Variants in SYNE2 observed in about 807,000 individuals in gnomAD.
The protein encoded by SYNE2 is spectrin repeat containing nuclear envelope protein 2.
SYNE2 carries 431 observed loss-of-function variants against 856.3 expected under a neutral mutation model. The observed-to-expected ratio is 0.50, with a 90% CI of 0.47 to 0.55. The LOEUF (loss-of-function observed/expected upper bound fraction) is 0.55. SYNE2 is among the 20% of genes least tolerant of loss of function. The pLI is 0.00. For synonymous variants in SYNE2, 2,923 were observed against 2,872.3 expected, an observed-to-expected ratio of 1.02 and a Z score of -0.56; for missense variants, 8,129 against 8,023.2, an observed-to-expected ratio of 1.01 and a Z score of -0.50.
intron 52 of SYNE2, among the ~76,000 whole-genome samples, chr14:64,072,417 C>T (rs904743511): frequency 1.3e-5 from 2 of 152,202 alleles, no homozygotes; most frequent in African/African-American, 4.8e-5. Flanking sequence ...CATCAGATCA[C>T]ACAGGCTGGG....
chr14:63,814,709 TCCATATATATC>T (rs1888795130), intron 1 of SYNE2, among the ~76,000 whole-genome samples: 1 of 128,836 alleles, frequency 7.8e-6, no homozygotes, highest in Non-Finnish European at 1.6e-5. Context: ...TCCATATATA[TCCATATATATC>T]CATATATATA....
At chr14:64,023,834 C>T (rs2096956609) in intron 38 of SYNE2, 2 of 229,844 alleles carry the variant, frequency 8.7e-6, no homozygotes. Flanking sequence ...AATTTGAAGT[C>T]TCATCTTTTT....
upstream of SYNE2, among the ~76,000 whole-genome samples, chr14:63,851,695 G>A (rs948270587): frequency 2.0e-5 from 3 of 152,018 alleles, no homozygotes; most frequent in Admixed American, 6.5e-5. Flanking sequence ...ATTATCAAAC[G>A]TCTAATCTCT....
In SYNE2 at chr14:64,026,546, A is replaced by G. The variant is rs748337852; in HGVS notation, c.6253-33A>G. On this transcript the variant is annotated intron_variant, in intron 41 of 115. Coordinates refer to ENST00000555002, the MANE Select transcript of SYNE2 (RefSeq NM_182914.3). ...CATGTAGTATCTCTAAGTAATGCAA[A>G]TGACATTATAAAATCTCTTTTATTT... 2.0e-4 allele frequency: 317 copies of G among 1,572,650 alleles called. 1 individual carries two copies. In the East Asian group the frequency reaches 7.1e-3, roughly 35 times the overall value.
At chr14:64,087,094 A>T (rs1338465767) in intron 57 of SYNE2, among the ~76,000 whole-genome samples, 3 of 2,314 alleles carry the variant, frequency 1.3e-3, no homozygotes, top group East Asian at 0.012. Flanking sequence ...GATAATTGGT[A>T]AAAAAAAAAA....
At chr14:63,812,817 G>T (rs917317580) in intron 1 of SYNE2, among the ~76,000 whole-genome samples, 1 of 152,090 alleles carries the variant, frequency 6.6e-6, no homozygotes, top group Non-Finnish European at 1.5e-5. Flanking sequence ...GCTTCTAGGT[G>T]CAGCAAACCA....
chr14:64,065,340 ATAAT>A (rs1351498959), intron 50 of SYNE2, 88 bp from the exon 51 acceptor site: 9 of 1,120,716 alleles, frequency 8.0e-6, no homozygotes, highest in South Asian at 2.7e-5. Flanking sequence ...GAAGATTGAA[ATAAT>A]TAATTGTTCA....
Position 64,188,625 on chromosome 14 carries a change from T to C in SYNE2, c.17788T>C (p.Cys5930Arg). 3.7e-6 allele frequency: 6 copies of C among 1,614,220 alleles called. 1 individual carries two copies. The Middle Eastern group carries it at 6.6e-4, about 178-fold the overall frequency. The change falls in exon 98 of 116, where the codon TGT becomes CGT. Residue 5930 changes from cysteine (C) to arginine (R), a missense_variant. Coordinates refer to ENST00000555002, the MANE Select transcript of SYNE2 (RefSeq NM_182914.3). The part of the protein sequence containing the change: ...VVFNEKNKEL[C>R]AWLVQMENKV... ...ATTCAATGAAAAAAATAAAGAGTTGTGTGCCTGGCTGGTGCAGATGGAAAA... is the reference window on the plus strand; with the variant it reads ...ATTCAATGAAAAAAATAAAGAGTTGCGTGCCTGGCTGGTGCAGATGGAAAA...
chr14:63,818,045 A>AAAC (rs1486946770), intron 1 of SYNE2, among the ~76,000 whole-genome samples: 1 of 150,336 alleles, frequency 6.7e-6, no homozygotes. Flanking sequence ...AAAAAAAAAA[A>AAAC]ACAAATAAAT....
Position 63,979,641 on chromosome 14 carries a change from G to C in SYNE2, c.1569+627G>C, listed in dbSNP as rs377676087. ...GATGAGGTGGGGTGGGGCTGGGCGC[G>C]GTGGCGCACACCTGTAATCCCAACA... On this transcript the variant is annotated intron_variant, in intron 14 of 115. Coordinates refer to ENST00000555002, the MANE Select transcript of SYNE2 (RefSeq NM_182914.3). Among the ~76,000 whole-genome samples, 6 of 152,334 alleles carry C rather than the reference G, an allele frequency of 3.9e-5. No homozygotes were observed. In the East Asian group the frequency reaches 5.8e-4, roughly 15 times the overall value.
rs771068556 is a variant in SYNE2 at position 64,174,940 on chromosome 14, T to G, written c.17236-4T>G. 6.2e-7 allele frequency: 1 copy of G among 1,613,868 alleles called. No homozygotes were observed. Among genetic ancestry groups the G allele is most frequent in the Non-Finnish European group, 8.5e-7 (1 of 1,179,776 alleles). On this transcript the variant is annotated splice_region_variant and splice_polypyrimidine_tract_variant and intron_variant, in intron 94 of 115. Transcript: ENST00000555002. ...AAGCAAATTACTTCTCTTTTTTTTC[T>G]TAGAATAAAGAAATTCATTTTCAAA...
At chr14:63,874,450 T>C (rs1354450978) in intron 1 of SYNE2, among the ~76,000 whole-genome samples, 1 of 152,136 alleles carries the variant, frequency 6.6e-6, no homozygotes, top group East Asian at 1.9e-4. Context: ...TACCATAATT[T>C]GCTAGATGTC....
chr14:64,163,478 C>T lies in SYNE2; in HGVS notation c.16376C>T (p.Pro5459Leu), dbSNP rs1276662523. Reference protein sequence around the residue: ...NSSVLDRLPQPAESSTHMLLP... With the variant: ...NSSVLDRLPQLAESSTHMLLP... ...AGTGTCCTGGATCGACTCCCACAAC[C>T]CGCAGAGTCCAGCACCCACATGCTC... The change falls in exon 89 of 116, where the codon CCC becomes CTC. Residue 5459 changes from proline to leucine, a missense_variant. By Grantham distance (98) the Pro-to-Leu change is moderately conservative (BLOSUM62 -3). Around this residue, in one of 3 missense-constraint regions of SYNE2, gnomAD observed 5,410 missense variants for 5,284.8 expected, o/e 1.02. Coordinates refer to ENST00000555002, the MANE Select transcript of SYNE2 (RefSeq NM_182914.3). 1 of 1,614,066 alleles carries T rather than the reference C, an allele frequency of 6.2e-7. No individual in the cohort carries two copies. The highest frequency in any genetic ancestry group is 1.3e-5 in the African/African-American group (1 of 74,912).
chr14:64,182,959 G>GGCT (rs2098466217), intron 96 of SYNE2, among the ~76,000 whole-genome samples: 1 of 152,024 alleles, frequency 6.6e-6, no homozygotes, highest in African/African-American at 2.4e-5. Context: ...CAGAAGGGGC[G>GGCT]GCCGGGCAGA....
Position 64,052,804 on chromosome 14 carries a change from G to A in SYNE2, c.8891G>A (p.Arg2964His), listed in dbSNP as rs769752828. Reference protein sequence around the residue: ...ALQEEADSIQRNELLLNQEVN... With the variant: ...ALQEEADSIQHNELLLNQEVN... ...CAGGAGGAGGCTGACAGTATACAGC[G>A]CAATGAACTATTACTTAATCAAGAA... The change falls in exon 48 of 116, where the codon CGC becomes CAC. Residue 2964 changes from arginine (R) to histidine (H), a missense_variant. By Grantham distance (29) the Arg-to-His change is conservative. Around this residue, in one of 3 missense-constraint regions of SYNE2, gnomAD observed 5,410 missense variants for 5,284.8 expected, o/e 1.02. Coordinates refer to ENST00000555002, the MANE Select transcript of SYNE2 (RefSeq NM_182914.3). The A allele has an allele frequency of 1.1e-5, 18 of 1,612,656 alleles. No homozygotes were observed. Among genetic ancestry groups the A allele is most frequent in the East Asian group, 8.9e-5 (4 of 44,878 alleles).
chr14:63,796,994 G>A (rs999100194), intron 1 of SYNE2, among the ~76,000 whole-genome samples: 3 of 150,446 alleles, frequency 2.0e-5, no homozygotes, highest in Admixed American at 1.3e-4. Flanking sequence ...CAGAAGAATC[G>A]CTTGAACCCA....
At position 64,059,344 on chromosome 14, in the gene SYNE2, G is replaced by A. The variant is rs1012503334; in HGVS notation, c.10067+3078G>A. On this transcript the variant is annotated intron_variant, in intron 49 of 115. Transcript: ENST00000555002. ...GTATTCTAAGAGACTTGAGTGTTGC[G>A]ATCTAAGTTTTTGGTCGCGGTAGTC... 2.6e-5 allele frequency among the ~76,000 whole-genome samples: 4 copies of A among 152,088 alleles called. No individual in the cohort carries two copies. In the South Asian group the frequency reaches 6.2e-4, roughly 24 times the overall value.
intron 84 of SYNE2, among the ~76,000 whole-genome samples, chr14:64,150,073 G>A (rs2098226806): frequency 1.6e-5 from 2 of 125,096 alleles, no homozygotes; most frequent in African/African-American, 6.2e-5. Flanking sequence ...GTGCAGTGTT[G>A]CAATCATAAC....
chr14:64,219,236 A>G lies in SYNE2; in HGVS notation c.19686A>G (p.Gln6562=). ...CCTTCGACAGATGGGAGATGATTCA[A>G]GCACAGGAGCTTCACAATAAGCTCA... is the stretch of plus-strand genomic sequence containing the variant. The part of the protein sequence containing the change: ...SGAFDRWEMI[Q]AQELHNKLKI... The change falls in exon 110 of 116, where the codon CAA becomes CAG. Residue 6562 remains glutamine, a synonymous_variant. Coordinates refer to ENST00000555002, the MANE Select transcript of SYNE2 (RefSeq NM_182914.3). 1 of 1,613,816 alleles carries G rather than the reference A, an allele frequency of 6.2e-7. No homozygotes were observed. The highest frequency in any genetic ancestry group is 8.5e-7 in the Non-Finnish European group (1 of 1,180,022).
Sources: gnomAD v4.1 joint callset for allele counts (sites outside exome capture counted in the v4.1 genomes callset) on GRCh38, gnomAD v4.1.1 for gene constraint, gnomAD v4.1.1 regional missense constraint, MANE v1.5 for transcripts, NCBI Gene and HGNC (gene_info 2026-07-23, HGNC 2026-07-21) for gene names.